DCLK1: variants seen among roughly 807,000 people sequenced by gnomAD.
The protein encoded by DCLK1 is doublecortin like kinase 1, also known as serine/threonine-protein kinase DCLK1.
A neutral mutation model predicts 86.2 loss-of-function variants in DCLK1; 16 were observed. The observed-to-expected ratio is 0.19, with a 90% confidence interval of 0.13 to 0.28. DCLK1 has a LOEUF of 0.28. Among genes scored for constraint, DCLK1 ranks in the 10% least tolerant of loss-of-function variants. The pLI is 1.00. For missense variants in DCLK1, 590 were observed against 940.2 expected (o/e 0.63, Z 4.87); for synonymous variants, 369 against 370.5 (o/e 1.00, Z 0.05).
intron 4 of DCLK1, among the ~76,000 whole-genome samples, chr13:35,883,940 G>C (rs938255462): frequency 6.6e-6 from 1 of 152,136 alleles, no homozygotes; most frequent in Non-Finnish European, 1.5e-5. Flanking sequence ...GTCTAGAAAG[G>C]CCTACAGTCT....
At chr13:35,836,010 G>C (rs1869344444) in intron 8 of DCLK1, 23 bp downstream of exon 8, 1 of 1,510,660 alleles carries the variant, frequency 6.6e-7, no homozygotes, top group East Asian at 2.3e-5. Flanking sequence ...TTTAAGGTTT[G>C]ATGCAAATGA....
chr13:36,007,268 G>A (rs1397591979), intron 3 of DCLK1, among the ~76,000 whole-genome samples: 1 of 152,094 alleles, frequency 6.6e-6, no homozygotes, highest in East Asian at 1.9e-4. Context: ...TACCAATAGT[G>A]CCTTCTTACT....
chr13:35,988,605 G>C (rs1880056983), intron 3 of DCLK1, among the ~76,000 whole-genome samples: 2 of 152,200 alleles, frequency 1.3e-5, no homozygotes, highest in Admixed American at 1.3e-4. Context: ...CTCCCCCACT[G>C]CATGCAGATG....
In DCLK1 at chr13:35,835,288, G is replaced by A. The variant is rs556463930; in HGVS notation, c.1229+745C>T. Among the ~76,000 whole-genome samples the A allele has an allele frequency of 1.4e-4, 21 of 152,248 alleles. No homozygotes were observed. In the South Asian group the frequency reaches 3.9e-3, roughly 29 times the overall value. On this transcript the variant is annotated intron_variant, in intron 8 of 16. Transcript: ENST00000360631. Reference sequence around the variant, plus strand: ...CAGAGGACACAGTCCCTCAAGGAATGAGGCAAGTTCCCCCAACTTTGCAGT... The same window carrying A: ...CAGAGGACACAGTCCCTCAAGGAATAAGGCAAGTTCCCCCAACTTTGCAGT...
chr13:35,847,927 C>G, intron 6 of DCLK1: 1 of 985,258 alleles, frequency 1.0e-6, no homozygotes, highest in Non-Finnish European at 1.2e-6. Context: ...AAAAACACAC[C>G]ATGTGGCTTT....
intron 3 of DCLK1, among the ~76,000 whole-genome samples, chr13:36,099,646 G>A (rs1323042105): frequency 6.6e-6 from 1 of 152,164 alleles, no homozygotes; most frequent in Non-Finnish European, 1.5e-5. Flanking sequence ...ACAAGGACTT[G>A]CACATTTTAA....
rs1870338827 is a variant in DCLK1 at position 35,848,036 on chromosome 13, A to G, written c.1035+6463T>C. The G allele has an allele frequency of 6.1e-6, 6 of 985,222 alleles. No individual in the cohort carries two copies. The South Asian group carries it at 2.8e-4, about 46-fold the overall frequency. 61.0% of individuals were successfully genotyped at this position (985,222 alleles called of 1,614,324 possible). A position where few individuals can be genotyped will look rare whatever the true frequency, so the allele number is the denominator to read the frequency against. On this transcript the variant is annotated intron_variant, in intron 6 of 16. Coordinates refer to ENST00000360631, the MANE Select transcript of DCLK1 (RefSeq NM_001330071.2). ...CTGAAAGCAGGGAAATATTCCTAAT[A>G]TCTTTTTCTACAATGTCTACATCTA...
At chr13:35,972,921 A>G (rs933737272) in intron 3 of DCLK1, among the ~76,000 whole-genome samples, 1 of 152,006 alleles carries the variant, frequency 6.6e-6, no homozygotes, top group Non-Finnish European at 1.5e-5. Context: ...CCCAGTCCTC[A>G]TGCTGTACAA....
chr13:35,855,019 T>G (rs1224464715), intron 5 of DCLK1, among the ~76,000 whole-genome samples: 1 of 152,172 alleles, frequency 6.6e-6, no homozygotes, highest in Non-Finnish European at 1.5e-5. Context: ...ACCTGATAAA[T>G]AGATCACTGT....
At chr13:35,964,025 A>T (rs1878598132) in intron 3 of DCLK1, among the ~76,000 whole-genome samples, 1 of 152,260 alleles carries the variant, frequency 6.6e-6, no homozygotes, top group South Asian at 2.1e-4. Flanking sequence ...AGAACCAGGA[A>T]ATAGTAGTTA....
At chr13:35,917,537 T>G (rs995636292) in intron 4 of DCLK1, among the ~76,000 whole-genome samples, 4 of 151,976 alleles carry the variant, frequency 2.6e-5, no homozygotes, top group Non-Finnish European at 5.9e-5. Context: ...ACTTAGGAGG[T>G]GGAGGACAAA....
intron 4 of DCLK1, among the ~76,000 whole-genome samples, chr13:35,933,903 T>C (rs1030897112): frequency 9.9e-5 from 15 of 152,228 alleles, no homozygotes; most frequent in Admixed American, 9.8e-4. Context: ...GATAGTTCCT[T>C]TTCTATCACA....
chr13:36,018,439 A>G (rs1881625977), intron 3 of DCLK1, among the ~76,000 whole-genome samples: 2 of 152,218 alleles, frequency 1.3e-5, no homozygotes, highest in South Asian at 4.1e-4. Flanking sequence ...AAATCAGTTT[A>G]AAATGTTTTT....
chr13:35,889,632 C>T (rs1006125983), intron 4 of DCLK1, among the ~76,000 whole-genome samples: 2 of 152,106 alleles, frequency 1.3e-5, no homozygotes, highest in South Asian at 2.1e-4. Flanking sequence ...ATTCCATCAT[C>T]GTTTTCTTTC....
Position 36,111,956 on chromosome 13 carries a change from G to A in DCLK1, c.636C>T (p.Ser212=), listed in dbSNP as rs868583530. 6.2e-7 allele frequency: 1 copy of A among 1,614,220 alleles called. No individual in the cohort carries two copies. Among genetic ancestry groups the A allele is most frequent in the Non-Finnish European group, 8.5e-7 (1 of 1,180,044 alleles). The change falls in exon 3 of 17, where the codon TCC becomes TCT. Residue 212 remains serine (S), a synonymous_variant. Transcript: ENST00000360631. ...RILLNKKTAH[S]FEQVLTDITD... ...TGATATCGGTGAGGACCTGCTCAAA[G>A]GAATGAGCCGTTTTCTTGTTCAGCA...
chr13:35,910,479 T>C (rs951247328), intron 4 of DCLK1, among the ~76,000 whole-genome samples: 3 of 152,242 alleles, frequency 2.0e-5, no homozygotes, highest in Non-Finnish European at 2.9e-5. Flanking sequence ...AGCTCCAAGA[T>C]AATTTGAATA....
chr13:35,855,191 G>T (rs1465656979), intron 5 of DCLK1, among the ~76,000 whole-genome samples: 2 of 152,166 alleles, frequency 1.3e-5, no homozygotes, highest in Admixed American at 6.5e-5. Flanking sequence ...CCTTTGAAAA[G>T]AAAAACTGCT....
chr13:35,889,881 G>A (rs181121887), intron 4 of DCLK1, among the ~76,000 whole-genome samples: 7 of 152,228 alleles, frequency 4.6e-5, no homozygotes, highest in Admixed American at 1.3e-4. Context: ...TACTTGAAAT[G>A]TATTGTAAAA....
chr13:35,929,075 G>A (rs572068400), intron 4 of DCLK1, among the ~76,000 whole-genome samples: 14 of 152,084 alleles, frequency 9.2e-5, no homozygotes, highest in African/African-American at 2.4e-4. Context: ...GACTACAGGC[G>A]CCCACCACCA....
Sources: gnomAD v4.1 joint callset for allele counts (sites outside exome capture counted in the v4.1 genomes callset) on GRCh38, gnomAD v4.1.1 for gene constraint, MANE v1.5 for transcripts, NCBI Gene and HGNC (gene_info 2026-07-23, HGNC 2026-07-21) for gene names.